ZNF717: variants seen among roughly 807,000 people sequenced by gnomAD.
The protein encoded by ZNF717 is zinc finger protein 717.
Under a neutral mutation model 13.8 loss-of-function variants are expected in ZNF717, and 9 were observed. That is an observed-to-expected ratio of 0.65 (90% CI 0.39 to 1.14). The LOEUF is 1.14. ZNF717 is among the 50% of genes most tolerant of loss of function. ZNF717 has a pLI of 0.01. For missense variants in ZNF717, 1,040 were observed against 1,080.7 expected, an observed-to-expected ratio of 0.96 and a Z score of 0.53; for synonymous variants, 327 against 364.1, an observed-to-expected ratio of 0.90 and a Z score of 1.16.
intron 4 of ZNF717, among the ~76,000 whole-genome samples, chr3:75,724,184 C>T (rs79725921): frequency 1.8e-3 from 272 of 152,220 alleles, no homozygotes; most frequent in African/African-American, 5.9e-3. Flanking sequence ...TACCCTGCCC[C>T]CTTGCCTTGT....
At chr3:75,752,203 G>A (rs77209774) in intron 2 of ZNF717, among the ~76,000 whole-genome samples, 9 of 133,192 alleles carry the variant, frequency 6.8e-5, no homozygotes, top group East Asian at 2.3e-4. Flanking sequence ...ACACTGCTAC[G>A]AGGGTCTGAA....
downstream of ZNF717, among the ~76,000 whole-genome samples, chr3:75,734,815 ATATTTTTTTTTTT>A (rs1220212032): frequency 2.8e-4 from 12 of 43,236 alleles, no homozygotes; most frequent in African/African-American, 9.6e-4. Context: ...ATATATATAT[ATATTTTTTTTTTT>A]TTTTTTTTTT....
At chr3:75,754,321 G>A (rs981289423) in intron 2 of ZNF717, among the ~76,000 whole-genome samples, 9 of 151,162 alleles carry the variant, frequency 6.0e-5, no homozygotes, top group African/African-American at 2.2e-4. Context: ...CTGGAATTAT[G>A]GGGAAAAAAT....
intron 2 of ZNF717, among the ~76,000 whole-genome samples, chr3:75,771,254 G>T (rs1375409964): frequency 6.6e-6 from 1 of 152,184 alleles, no homozygotes; most frequent in African/African-American, 2.4e-5. Flanking sequence ...GCTGAGAACT[G>T]TAATGGACCC....
rs200147705 is a variant in ZNF717 at position 75,773,754 on chromosome 3, T to TA, written c.57+9551dup. ...GGGCGACAGAGCAAGACGCTATCTT[T>TA]AACAAAAAAAAATGGCCAGGCGCAG... is the stretch of plus-strand genomic sequence containing the variant. On this transcript the variant is annotated intron_variant, in intron 2 of 4. Coordinates refer to ENST00000652011, the MANE Select transcript of ZNF717 (RefSeq NM_001290208.3). Among the ~76,000 whole-genome samples, 1,510 of 151,748 alleles carry TA rather than the reference T, an allele frequency of 1.0e-2. 15 individuals are homozygous for TA. Among genetic ancestry groups the TA allele is most frequent in the African/African-American group, 0.034 (1,394 of 41,298 alleles).
chr3:75,779,137 A>G (rs534860541), intron 2 of ZNF717, among the ~76,000 whole-genome samples: 126 of 152,258 alleles, frequency 8.3e-4, no homozygotes, highest in African/African-American at 2.7e-3. Context: ...CCAGAACACA[A>G]AACAATGGGA....
downstream of ZNF717, among the ~76,000 whole-genome samples, chr3:75,733,717 T>G (rs1938802755): frequency 7.5e-6 from 1 of 134,048 alleles, no homozygotes. Context: ...AGGCAGAGCT[T>G]GCAGTGAGCT....
At chr3:75,743,233 A>G (rs1370049016) in intron 2 of ZNF717, among the ~76,000 whole-genome samples, 1 of 152,256 alleles carries the variant, frequency 6.6e-6, no homozygotes, top group Non-Finnish European at 1.5e-5. Flanking sequence ...ATAATACTGA[A>G]GACAATGTAA....
At chr3:75,732,125 T>C, downstream of ZNF717, 1 of 702,932 alleles carries the variant, frequency 1.4e-6, no homozygotes, top group African/African-American at 1.7e-5. Context: ...CTTCCACCTT[T>C]GGGAAGGAAA....
At chr3:75,724,062 T>C (rs1418280108) in intron 4 of ZNF717, among the ~76,000 whole-genome samples, 14 of 151,904 alleles carry the variant, frequency 9.2e-5, no homozygotes, top group African/African-American at 3.1e-4. Flanking sequence ...AATAATGGCG[T>C]AAGCTGTCCT....
At chr3:75,698,282 A>G (rs139369694) in intron 6 of ZNF717, among the ~76,000 whole-genome samples, 359 of 149,194 alleles carry the variant, frequency 2.4e-3, no homozygotes, top group South Asian at 5.1e-3. Flanking sequence ...CAGGCTATGG[A>G]GCAACTACTT....
chr3:75,731,486 G>C (rs1382937194), downstream of ZNF717, among the ~76,000 whole-genome samples: 1 of 152,088 alleles, frequency 6.6e-6, no homozygotes, highest in Non-Finnish European at 1.5e-5. Context: ...ACTTGAACCT[G>C]GGAGCCAGAT....
At chr3:75,781,090 G>A (rs980850396) in intron 2 of ZNF717, among the ~76,000 whole-genome samples, 1 of 152,272 alleles carries the variant, frequency 6.6e-6, no homozygotes, top group Non-Finnish European at 1.5e-5. Context: ...AGTGAACTAA[G>A]TATGGCCTGA....
chr3:75,724,789 G>A (rs1311003826), intron 4 of ZNF717, among the ~76,000 whole-genome samples: 2 of 149,736 alleles, frequency 1.3e-5, no homozygotes, highest in Non-Finnish European at 3.0e-5. Flanking sequence ...TTGCACCAAA[G>A]CAGAGAACAA....
rs1326556941 is a variant in ZNF717 at position 75,714,975 on chromosome 3, TTTTA to T, written n.667+1440_667+1443del. On this transcript the variant is annotated intron_variant and non_coding_transcript_variant, in intron 5 of 5. Coordinates refer to the ZNF717 transcript ENST00000491507. Reference sequence around the variant, plus strand: ...ACACAAATAACAGATCTTATGGTTCTTTTATTTTAGACTTTTAGTCATGAGATAG... The same window carrying T: ...ACACAAATAACAGATCTTATGGTTCTTTTTAGACTTTTAGTCATGAGATAG... 1.3e-4 allele frequency among the ~76,000 whole-genome samples: 20 copies of T among 152,236 alleles called. No individual in the cohort carries two copies. In the East Asian group the frequency reaches 3.8e-3, roughly 29 times the overall value.
At chr3:75,760,436 AC>A (rs1288863734) in intron 2 of ZNF717, among the ~76,000 whole-genome samples, 1 of 152,248 alleles carries the variant, frequency 6.6e-6, no homozygotes, top group Non-Finnish European at 1.5e-5. Flanking sequence ...TTCATTAATC[AC>A]CTTTATTAAA....
chr3:75,742,377 G>A (rs796096911), intron 2 of ZNF717, among the ~76,000 whole-genome samples: 82 of 52,508 alleles, frequency 1.6e-3, no homozygotes, highest in African/African-American at 6.5e-3. Context: ...TCATGATCTG[G>A]TTATGAATAT....
chr3:75,746,884 A>C (rs1300518451), intron 2 of ZNF717, among the ~76,000 whole-genome samples: 1 of 152,062 alleles, frequency 6.6e-6, no homozygotes, highest in African/African-American at 2.4e-5. Flanking sequence ...CCTATTTGTC[A>C]ATTTTGGCTT....
downstream of ZNF717, among the ~76,000 whole-genome samples, chr3:75,708,869 C>A (rs1422953209): frequency 3.9e-5 from 6 of 152,300 alleles, no homozygotes; most frequent in Middle Eastern, 6.8e-3. Context: ...GTTCTGGCAT[C>A]TGCTTCTGGT....
Sources: allele counts gnomAD v4.1 joint callset (sites outside exome capture counted in the v4.1 genomes callset), GRCh38; gene constraint gnomAD v4.1.1; transcripts MANE v1.5; gene names NCBI Gene and HGNC (gene_info 2026-07-23, HGNC 2026-07-21).